The following SYT9 variants were observed in gnomAD, a reference collection of about 807,000 sequenced individuals.
SYT9 encodes the protein synaptotagmin 9, also known as synaptotagmin-9.
In SYT9, 22 loss-of-function variants were observed where a neutral mutation model predicts 48.4. That is an observed-to-expected ratio of 0.45 (90% confidence interval 0.32 to 0.65). The LOEUF (loss-of-function observed/expected upper bound fraction) is 0.65, where lower values mean the gene tolerates loss of function less well. Among genes scored for constraint, SYT9 ranks in the 30% least tolerant of loss-of-function variants. The pLI, the probability that SYT9 is intolerant of heterozygous loss-of-function variation, is 0.03. For missense variants in SYT9, 577 were observed against 622.0 expected (o/e 0.93, Z 0.77); for synonymous variants, 265 against 245.0 (o/e 1.08, Z -0.76).
At chr11:7,331,762 AACCC>A in intron 3 of SYT9, among the ~76,000 whole-genome samples, 1 of 152,118 alleles carries the variant, frequency 6.6e-6, no homozygotes, top group African/African-American at 2.4e-5. Flanking sequence ...CTCATTAAGC[AACCC>A]CTCTATATAT....
chr11:7,377,095 C>T (rs1850468616), intron 3 of SYT9, among the ~76,000 whole-genome samples: 1 of 150,038 alleles, frequency 6.7e-6, no homozygotes, highest in Admixed American at 6.7e-5. Context: ...AGAGAAGTCC[C>T]TGATGTCAAC....
At chr11:7,250,549 G>T (rs1040831804), upstream of SYT9, among the ~76,000 whole-genome samples, 1 of 146,250 alleles carries the variant, frequency 6.8e-6, no homozygotes, top group African/African-American at 2.5e-5. Flanking sequence ...AACAGCATCT[G>T]CTCAACCTCC....
intron 3 of SYT9, among the ~76,000 whole-genome samples, chr11:7,338,545 G>A (rs374297509): frequency 2.0e-5 from 3 of 152,026 alleles, no homozygotes; most frequent in Non-Finnish European, 4.4e-5. Flanking sequence ...CTGTTATGTT[G>A]TGTCTTTGTT....
chr11:7,438,528 C>A lies in SYT9; in HGVS notation c.1467+17893C>A, dbSNP rs961699190. ...ACTACCAGAACTTTGGCCCACCCAT[C>A]TGCCTCCTCTCTCCCAGGTCTCTTG... is the stretch of plus-strand genomic sequence containing the variant. On this transcript the variant is annotated intron_variant, in intron 6 of 6. Coordinates refer to ENST00000318881, the MANE Select transcript of SYT9 (RefSeq NM_175733.4). 2.6e-5 allele frequency: 4 copies of A among 153,038 alleles called. 1 individual carries two copies. The highest frequency in any genetic ancestry group is 1.3e-4 in the Admixed American group (2 of 15,300). The allele number at this position is 153,038 out of a possible 1,614,324, so 9.5% of individuals were successfully genotyped here.
intron 1 of SYT9, among the ~76,000 whole-genome samples, chr11:7,241,948 A>G (rs1252534986): frequency 6.6e-6 from 1 of 152,228 alleles, no homozygotes; most frequent in Non-Finnish European, 1.5e-5. Context: ...GCTACTAGCT[A>G]TGTGACTTTG....
intron 3 of SYT9, among the ~76,000 whole-genome samples, chr11:7,365,335 T>C (rs1216477470): frequency 6.6e-6 from 1 of 152,112 alleles, no homozygotes; most frequent in Non-Finnish European, 1.5e-5. Context: ...AGGAGAGCAA[T>C]TTTTTGGTAT....
At chr11:7,384,441 C>A (rs1339961886) in intron 3 of SYT9, among the ~76,000 whole-genome samples, 1 of 152,202 alleles carries the variant, frequency 6.6e-6, no homozygotes, top group Non-Finnish European at 1.5e-5. Flanking sequence ...GCAATTCCAT[C>A]TCTCCACTTG....
At chr11:7,315,404 G>C (rs192350916) in intron 3 of SYT9, among the ~76,000 whole-genome samples, 2 of 152,280 alleles carry the variant, frequency 1.3e-5, no homozygotes, top group Non-Finnish European at 2.9e-5. Flanking sequence ...CCCCCACTGG[G>C]GTATTTACTA....
chr11:7,343,881 C>T (rs1849754707), intron 3 of SYT9, among the ~76,000 whole-genome samples: 1 of 152,134 alleles, frequency 6.6e-6, no homozygotes, highest in Admixed American at 6.5e-5. Flanking sequence ...TACATGGTGG[C>T]AGGCAAGACA....
upstream of SYT9, among the ~76,000 whole-genome samples, chr11:7,248,184 C>T (rs190402161): frequency 1.1e-3 from 174 of 151,674 alleles, 3 homozygotes; most frequent in East Asian, 0.03. Context: ...TTGTTTTTTT[C>T]GTGTTGATTT....
At chr11:7,287,573 C>G (rs1266734314) in intron 1 of SYT9, among the ~76,000 whole-genome samples, 1 of 152,208 alleles carries the variant, frequency 6.6e-6, no homozygotes, top group African/African-American at 2.4e-5. Flanking sequence ...TCTCAGCTCA[C>G]TAGTGGTTGT....
In SYT9 at chr11:7,353,698, A is replaced by G. The variant is rs557624660; in HGVS notation, c.1044+39757A>G. Among the ~76,000 whole-genome samples, 7 of 71,908 alleles carry G rather than the reference A, an allele frequency of 9.7e-5. No individual in the cohort carries two copies. In the South Asian group the frequency reaches 4.5e-3, roughly 46 times the overall value. 47.2% of individuals were successfully genotyped at this position (71,908 alleles called of 152,430 possible). ...TCCTTCATTAGTTCGATCCTCTGTT[A>G]TAGTATTTATTTATATTAAGCTTTC... On this transcript the variant is annotated intron_variant, in intron 3 of 6. Coordinates refer to ENST00000318881, the MANE Select transcript of SYT9 (RefSeq NM_175733.4).
At chr11:7,294,478 C>T (rs903372358) in intron 1 of SYT9, among the ~76,000 whole-genome samples, 1 of 152,170 alleles carries the variant, frequency 6.6e-6, no homozygotes, top group Non-Finnish European at 1.5e-5. Context: ...CAGCTGTGAA[C>T]CTGTGAAACC....
chr11:7,379,782 A>C (rs920488967), intron 3 of SYT9, among the ~76,000 whole-genome samples: 1 of 152,142 alleles, frequency 6.6e-6, no homozygotes, highest in Admixed American at 6.6e-5. Context: ...TCCAAAAGGC[A>C]GGCAATAACA....
chr11:7,307,969 G>C (rs755731100), intron 2 of SYT9, among the ~76,000 whole-genome samples: 1 of 152,180 alleles, frequency 6.6e-6, no homozygotes, highest in Admixed American at 6.5e-5. Context: ...TGCCTGTCTC[G>C]TCATTATCTC....
intron 1 of SYT9, among the ~76,000 whole-genome samples, chr11:7,283,030 G>A (rs1848530318): frequency 6.6e-6 from 1 of 151,310 alleles, no homozygotes; most frequent in African/African-American, 2.4e-5. Flanking sequence ...CACTCCCAGA[G>A]GCAACCATTT....
chr11:7,466,720 CAAAAAAAAA>C (rs369543339), intron 6 of SYT9, 63 bp from the exon 7 acceptor site: 2 of 1,261,160 alleles, frequency 1.6e-6, no homozygotes, highest in African/African-American at 2.0e-5. Context: ...GACTCTGTCT[CAAAAAAAAA>C]AAAAAAAGAA....
At chr11:7,373,480 G>T (rs2134033930) in intron 3 of SYT9, among the ~76,000 whole-genome samples, 1 of 152,170 alleles carries the variant, frequency 6.6e-6, no homozygotes. Flanking sequence ...TGTTTTACCT[G>T]CTCTGGAAAC....
At chr11:7,343,975 C>G (rs925940995) in intron 3 of SYT9, among the ~76,000 whole-genome samples, 1 of 152,136 alleles carries the variant, frequency 6.6e-6, no homozygotes, top group African/African-American at 2.4e-5. Flanking sequence ...GAACAGTATG[C>G]TGGAAACTGC....
Sources: allele counts gnomAD v4.1 joint callset (sites outside exome capture counted in the v4.1 genomes callset), GRCh38; gene constraint gnomAD v4.1.1; transcripts MANE v1.5; gene names NCBI Gene and HGNC (gene_info 2026-07-23, HGNC 2026-07-21).